ECRG4: variants seen among roughly 807,000 people sequenced by gnomAD.
ECRG4 encodes the protein augurin.
In ECRG4, 18 loss-of-function variants were observed where a neutral mutation model predicts 15.8. The observed-to-expected ratio is 1.14, with a 90% CI of 0.79 to 1.69. ECRG4 has a LOEUF of 1.69. Among genes scored for constraint, ECRG4 ranks in the 40% most tolerant of loss-of-function variants. The pLI is 0.00. For synonymous variants in ECRG4, 82 were observed against 73.9 expected (o/e 1.11, Z -0.56); for missense variants, 200 against 190.9 (o/e 1.05, Z -0.28).
intron 1 of ECRG4, among the ~76,000 whole-genome samples, chr2:106,067,350 C>A (rs1387659422): frequency 1.3e-5 from 2 of 152,066 alleles, no homozygotes; most frequent in African/African-American, 2.4e-5. Flanking sequence ...CTGAATAAGT[C>A]AAGTGAGCAC....
intron 1 of ECRG4, 100 bp downstream of exon 1, chr2:106,065,943 C>T: frequency 1.8e-6 from 2 of 1,086,752 alleles, no homozygotes; most frequent in Non-Finnish European, 2.5e-6. Flanking sequence ...GATGGGGTGG[C>T]GGCGTAGGGA....
Position 106,074,023 on chromosome 2 carries a change from T to C in ECRG4, c.265T>C (p.Tyr89His), listed in dbSNP as rs560505323. ...EVQQWYQQFL[Y>H]MGFDEAKFED... is the part of the protein sequence containing the mutation. ...GCAGCAGTGGTACCAGCAGTTTCTC[T>C]ACATGGGCTTTGACGAAGCGGTAGG... The change falls in exon 3 of 4, where the codon TAC becomes CAC. Residue 89 changes from tyrosine (Y) to histidine (H), a missense_variant. Physicochemically the swap from Tyr to His is moderately conservative, Grantham distance 83. Coordinates refer to ENST00000238044, the MANE Select transcript of ECRG4 (RefSeq NM_032411.3). 1 of 1,613,286 alleles carries C rather than the reference T, an allele frequency of 6.2e-7. No individual in the cohort carries two copies. The highest frequency in any genetic ancestry group is 1.1e-5 in the South Asian group (1 of 91,046).
rs749547312 is a variant in ECRG4, at chr2:106,065,761, C to A, written c.-4C>A. 1.4e-6 allele frequency: 2 copies of A among 1,480,368 alleles called. No homozygotes were observed. Among genetic ancestry groups the A allele is most frequent in the Admixed American group, 2.3e-5 (1 of 43,204 alleles). 91.7% of individuals were successfully genotyped at this position (1,480,368 alleles called of 1,614,324 possible). The stretch of plus-strand genomic sequence containing the variant: ...CCTCGCCCTCCTGCTCGCGCCCCGC[C>A]GCCATGGCTGCCTCCCCCGCGCGGC... On this transcript the variant is annotated 5_prime_UTR_variant, in exon 1 of 4. Coordinates refer to ENST00000238044, the MANE Select transcript of ECRG4 (RefSeq NM_032411.3).
At chr2:106,076,086 T>C (rs1356996231) in intron 3 of ECRG4, among the ~76,000 whole-genome samples, 2 of 152,056 alleles carry the variant, frequency 1.3e-5, no homozygotes, top group Non-Finnish European at 2.9e-5. Context: ...GAGGCCGAGA[T>C]GGGTGGATCA....
intron 1 of ECRG4, among the ~76,000 whole-genome samples, chr2:106,066,883 G>A (rs1164089300): frequency 1.3e-5 from 2 of 152,150 alleles, no homozygotes; most frequent in African/African-American, 4.8e-5. Flanking sequence ...GAGGCGTGGT[G>A]AGGTCTGTTC....
chr2:106,073,815 A>G, intron 2 of ECRG4, 71 bp from the exon 3 acceptor site: 1 of 1,575,390 alleles, frequency 6.3e-7, no homozygotes, highest in Non-Finnish European at 8.7e-7. Flanking sequence ...GGGATGTATA[A>G]CAGGGATTCA....
intron 3 of ECRG4, among the ~76,000 whole-genome samples, chr2:106,075,681 C>T (rs988396484): frequency 2.2e-4 from 33 of 152,042 alleles, no homozygotes; most frequent in African/African-American, 8.0e-4. Context: ...GAGATCGCAC[C>T]ACTGCACTCC....
intron 2 of ECRG4, 39 bp from the exon 3 acceptor site, chr2:106,073,847 A>G (rs2104797167): frequency 6.2e-7 from 1 of 1,606,750 alleles, no homozygotes; most frequent in East Asian, 2.2e-5. Flanking sequence ...GAAGGAAGTC[A>G]TTCTTTGTGC....
intron 1 of ECRG4, among the ~76,000 whole-genome samples, chr2:106,069,910 C>T (rs989959405): frequency 2.0e-5 from 3 of 152,168 alleles, no homozygotes; most frequent in African/African-American, 4.8e-5. Flanking sequence ...TAAACAACTA[C>T]ATCACTATAG....
intron 2 of ECRG4, among the ~76,000 whole-genome samples, chr2:106,072,849 G>A (rs563203369): frequency 1.1e-3 from 164 of 152,306 alleles, no homozygotes; most frequent in African/African-American, 3.5e-3. Context: ...GATCAACAAC[G>A]CCCTCACAGA....
At chr2:106,077,185 C>T (rs1005243109) in intron 3 of ECRG4, among the ~76,000 whole-genome samples, 1 of 152,176 alleles carries the variant, frequency 6.6e-6, no homozygotes, top group Non-Finnish European at 1.5e-5. Context: ...CACACAGTGC[C>T]CATCTCAAAG....
upstream of ECRG4, chr2:106,065,592 C>A: frequency 2.3e-6 from 1 of 433,794 alleles, no homozygotes; most frequent in East Asian, 3.9e-5. Context: ...CTGGGCGCAG[C>A]CGCTTGGCCC....
At chr2:106,068,052 C>T (rs1676262979) in intron 1 of ECRG4, among the ~76,000 whole-genome samples, 1 of 151,390 alleles carries the variant, frequency 6.6e-6, no homozygotes, top group South Asian at 2.1e-4. Flanking sequence ...ACTATGTAGC[C>T]CAGGCTGGTC....
At chr2:106,071,019 A>G (rs1167740560) in intron 1 of ECRG4, 1 of 471,208 alleles carries the variant, frequency 2.1e-6, no homozygotes, top group Non-Finnish European at 4.4e-6. Context: ...TTTTCTATTA[A>G]AAATGATTGA....
intron 3 of ECRG4, among the ~76,000 whole-genome samples, chr2:106,076,328 A>C (rs1419745628): frequency 6.6e-6 from 1 of 152,206 alleles, no homozygotes; most frequent in African/African-American, 2.4e-5. Context: ...CTTAAAAAAT[A>C]AATAAATGAA....
chr2:106,068,987 T>C (rs889102324), intron 1 of ECRG4, among the ~76,000 whole-genome samples: 1 of 152,242 alleles, frequency 6.6e-6, no homozygotes, highest in African/African-American at 2.4e-5. Context: ...TGTCCCATCT[T>C]GGGTGGCTGT....
At chr2:106,069,948 C>A (rs1400090797) in intron 1 of ECRG4, among the ~76,000 whole-genome samples, 2 of 152,110 alleles carry the variant, frequency 1.3e-5, no homozygotes, top group African/African-American at 4.8e-5. Flanking sequence ...CAACAAAAAC[C>A]ACTGCAGCTC....
chr2:106,075,713 C>A (rs190348480), intron 3 of ECRG4, among the ~76,000 whole-genome samples: 110 of 151,662 alleles, frequency 7.3e-4, no homozygotes, highest in African/African-American at 1.9e-3. Context: ...CAGAATGAGA[C>A]TCCGTCTCAA....
intron 2 of ECRG4, chr2:106,072,169 A>C (rs908439438): frequency 6.1e-6 from 2 of 326,918 alleles, no homozygotes; most frequent in South Asian, 7.3e-5. Context: ...ATTGCATGCT[A>C]TTTATTTTAG....
Sources: allele counts gnomAD v4.1 joint callset (sites outside exome capture counted in the v4.1 genomes callset), GRCh38; gene constraint gnomAD v4.1.1; transcripts MANE v1.5; gene names NCBI Gene and HGNC (gene_info 2026-07-23, HGNC 2026-07-21).